TAFA2: variants seen among roughly 807,000 people sequenced by gnomAD.
TAFA2 encodes chemokine-like protein TAFA-2.
In TAFA2, 7 loss-of-function variants were observed where a neutral mutation model predicts 18.8. The observed-to-expected ratio is 0.37, with a 90% CI of 0.21 to 0.70. The LOEUF is 0.70. TAFA2 is among the 30% of genes least tolerant of loss of function. The pLI is 0.53. For synonymous variants in TAFA2, 60 were observed against 54.2 expected (o/e 1.11, Z -0.47); for missense variants, 122 against 158.1 (o/e 0.77, Z 1.23).
intron 1 of TAFA2, among the ~76,000 whole-genome samples, chr12:62,124,315 A>T (rs1278252505): frequency 6.6e-6 from 1 of 150,394 alleles, no homozygotes; most frequent in Admixed American, 6.7e-5. Context: ...AAAAAAAGGG[A>T]GTTAAGAAGT....
chr12:61,897,994 TG>T (rs1477315539), intron 1 of TAFA2, among the ~76,000 whole-genome samples: 1 of 152,212 alleles, frequency 6.6e-6, no homozygotes, highest in Non-Finnish European at 1.5e-5. Flanking sequence ...TCATTCCAAA[TG>T]GGAGAAATTG....
At chr12:62,224,082 TACACACACACACACACAC>T (rs144010764) in intron 1 of TAFA2, among the ~76,000 whole-genome samples, 1 of 142,466 alleles carries the variant, frequency 7.0e-6, no homozygotes, top group African/African-American at 2.6e-5. Flanking sequence ...TATATGTGCA[TACACACACACACACACAC>T]ACACACACAC....
At chr12:61,823,874 T>C (rs1197673909) in intron 2 of TAFA2, among the ~76,000 whole-genome samples, 1 of 152,130 alleles carries the variant, frequency 6.6e-6, no homozygotes, top group Non-Finnish European at 1.5e-5. Flanking sequence ...AAAGTCTTTG[T>C]GGGGAGACTT....
intron 1 of TAFA2, among the ~76,000 whole-genome samples, chr12:61,902,285 A>T (rs2198787): frequency 6.6e-6 from 1 of 152,074 alleles, no homozygotes; most frequent in African/African-American, 2.4e-5. Context: ...ACTGTCACTA[A>T]CTTTAAAATA....
intron 1 of TAFA2, among the ~76,000 whole-genome samples, chr12:62,032,642 C>A (rs1385718837): frequency 6.6e-6 from 1 of 151,848 alleles, no homozygotes; most frequent in African/African-American, 2.4e-5. Flanking sequence ...TTTCCAGAAA[C>A]AACCCTCATA....
At chr12:62,150,663 G>A (rs573747034) in intron 1 of TAFA2, among the ~76,000 whole-genome samples, 2 of 152,248 alleles carry the variant, frequency 1.3e-5, no homozygotes, top group South Asian at 4.1e-4. Context: ...AGCACTTTGG[G>A]AGGCCGAGGC....
At chr12:62,036,407 A>G (rs1012745804) in intron 1 of TAFA2, among the ~76,000 whole-genome samples, 1 of 152,212 alleles carries the variant, frequency 6.6e-6, no homozygotes, top group African/African-American at 2.4e-5. Context: ...CCTACAGAAG[A>G]GAAAGCAGGT....
intron 1 of TAFA2, among the ~76,000 whole-genome samples, chr12:61,935,860 A>G (rs987812009): frequency 3.3e-5 from 5 of 152,100 alleles, no homozygotes; most frequent in African/African-American, 1.2e-4. Flanking sequence ...GTAATTAAAA[A>G]AAAAACTTAC....
At chr12:61,940,554 G>A (rs935451821) in intron 1 of TAFA2, among the ~76,000 whole-genome samples, 6 of 152,208 alleles carry the variant, frequency 3.9e-5, no homozygotes, top group African/African-American at 7.2e-5. Flanking sequence ...CCTGGCTTTA[G>A]AGGTAACAAT....
chr12:62,224,340 A>T (rs773198913), intron 1 of TAFA2, among the ~76,000 whole-genome samples: 8 of 152,036 alleles, frequency 5.3e-5, no homozygotes, highest in Non-Finnish European at 8.8e-5. Flanking sequence ...ATAGAAATTT[A>T]TTTCTTACAG....
At chr12:62,073,092 T>A (rs1210772649) in intron 1 of TAFA2, among the ~76,000 whole-genome samples, 1 of 152,226 alleles carries the variant, frequency 6.6e-6, no homozygotes, top group African/African-American at 2.4e-5. Context: ...CTGCTTCTGA[T>A]GGCAGGAAGT....
chr12:61,851,815 A>AAC (rs1873674133), intron 2 of TAFA2, among the ~76,000 whole-genome samples: 1 of 129,666 alleles, frequency 7.7e-6, no homozygotes, highest in Non-Finnish European at 1.7e-5. Flanking sequence ...AAAAAAAAAA[A>AAC]AAACATGTTC....
intron 1 of TAFA2, among the ~76,000 whole-genome samples, chr12:61,951,308 A>G (rs1878458920): frequency 6.6e-6 from 1 of 152,180 alleles, no homozygotes; most frequent in South Asian, 2.1e-4. Context: ...TTACAGGCAA[A>G]TATGTTTTGA....
chr12:62,065,939 G>T (rs1435437961), intron 1 of TAFA2, among the ~76,000 whole-genome samples: 1 of 151,908 alleles, frequency 6.6e-6, no homozygotes, highest in African/African-American at 2.4e-5. Flanking sequence ...TAATATCAAT[G>T]TAATCTTGAA....
chr12:61,971,488 A>C lies in TAFA2; in HGVS notation c.-1-104062T>G, dbSNP rs76547807. 8.0e-3 allele frequency among the ~76,000 whole-genome samples: 1,212 copies of C among 151,064 alleles called. 16 individuals carry two copies. The highest frequency in any genetic ancestry group is 0.028 in the African/African-American group (1,173 of 41,312). ...CGTACCCTAAAACTTAAAGTATAAT[A>C]AAAAAAAGAAAAAAAGAAAATGTGG... On this transcript the variant is annotated intron_variant, in intron 1 of 4. Transcript: ENST00000416284.
intron 1 of TAFA2, among the ~76,000 whole-genome samples, chr12:61,986,778 CATATGCTGTTTT>C (rs1879835489): frequency 6.6e-6 from 1 of 152,028 alleles, no homozygotes; most frequent in Non-Finnish European, 1.5e-5. Context: ...TGTGTGTGTA[CATATGCTGTTTT>C]ATATGCTTGA....
intron 1 of TAFA2, among the ~76,000 whole-genome samples, chr12:61,914,894 G>A (rs1470052665): frequency 6.6e-6 from 1 of 152,162 alleles, no homozygotes; most frequent in South Asian, 2.1e-4. Context: ...CGGGCACAGT[G>A]GCTCCTGCCT....
intron 2 of TAFA2, among the ~76,000 whole-genome samples, chr12:61,823,611 C>T (rs1460375896): frequency 6.6e-6 from 1 of 152,170 alleles, no homozygotes; most frequent in African/African-American, 2.4e-5. Flanking sequence ...TCATCGCATT[C>T]TGCATTGGTG....
chr12:61,708,671 C>T lies in TAFA2; in HGVS notation c.*1735G>A, dbSNP rs1375794832. 1 of 152,032 alleles carries T rather than the reference C, an allele frequency of 6.6e-6. No individual in the cohort carries two copies. The highest frequency in any genetic ancestry group is 2.4e-5 in the African/African-American group (1 of 41,412). 9.4% of individuals were successfully genotyped at this position (152,032 alleles called of 1,614,324 possible). A position where few individuals can be genotyped will look rare whatever the true frequency, so the allele number is the denominator to read the frequency against. On this transcript the variant is annotated 3_prime_UTR_variant, in exon 5 of 5. Transcript: ENST00000416284. ...ATTTTATGCATGATTAAAATGGAGG[C>T]AGAAAGCCATTTCATTCCATGAACT...
Sources: allele counts gnomAD v4.1 joint callset (sites outside exome capture counted in the v4.1 genomes callset), GRCh38; gene constraint gnomAD v4.1.1; transcripts MANE v1.5; gene names NCBI Gene and HGNC (gene_info 2026-07-23, HGNC 2026-07-21).